OTUD3: variants seen among roughly 807,000 people sequenced by gnomAD.
OTUD3 encodes OTU domain-containing protein 3.
Under a neutral mutation model 46.2 loss-of-function variants are expected in OTUD3, and 24 were observed. The ratio of observed to expected loss-of-function variants is 0.52; its 90% CI spans 0.38 to 0.73. The LOEUF (loss-of-function observed/expected upper bound fraction) is 0.73, where lower values mean the gene tolerates loss of function less well. Among genes scored for constraint, OTUD3 ranks in the 30% least tolerant of loss-of-function variants. OTUD3 has a pLI of 0.00. For synonymous variants in OTUD3, 189 were observed against 195.4 expected (o/e 0.97, Z 0.27); for missense variants, 455 against 523.3 (o/e 0.87, Z 1.27).
chr1:19,890,504 TAGA>T lies in OTUD3; in HGVS notation c.345_347del (p.Glu115del), dbSNP rs2045431767. On this transcript the variant is annotated inframe_deletion, in exon 2 of 8. Coordinates refer to ENST00000375120, the MANE Select transcript of OTUD3 (RefSeq NM_015207.2). ...CAGCGGGAAGATTTTGAACCCTTTG[TAGA>T]AGATGACATTCCTTTTGAGAAGCAT... 3 of 1,613,948 alleles carry T rather than the reference TAGA, an allele frequency of 1.9e-6. No individual in the cohort carries two copies. The highest frequency in any genetic ancestry group is 2.5e-6 in the Non-Finnish European group (3 of 1,179,822).
chr1:19,905,823 G>C (rs937721520), intron 6 of OTUD3, among the ~76,000 whole-genome samples: 1 of 152,230 alleles, frequency 6.6e-6, no homozygotes, highest in Non-Finnish European at 1.5e-5. Context: ...CTGATTGCCA[G>C]ATGTTACGTG....
chr1:19,903,519 A>G (rs750232299), intron 4 of OTUD3, among the ~76,000 whole-genome samples: 4 of 152,144 alleles, frequency 2.6e-5, no homozygotes, highest in Non-Finnish European at 5.9e-5. Flanking sequence ...GCTGGAGTCC[A>G]CTATATGTTT....
At chr1:19,902,667 A>G (rs1257668215) in intron 4 of OTUD3, among the ~76,000 whole-genome samples, 1 of 152,022 alleles carries the variant, frequency 6.6e-6, no homozygotes, top group Admixed American at 6.6e-5. Context: ...GAGTTTTTTA[A>G]TATATTCTAG....
intron 1 of OTUD3, among the ~76,000 whole-genome samples, chr1:19,884,262 C>A (rs2045323916): frequency 6.6e-6 from 1 of 152,116 alleles, no homozygotes; most frequent in African/African-American, 2.4e-5. Flanking sequence ...GCCCAGGAAA[C>A]TGAAGTACTC....
rs2045664475 is a variant in OTUD3 at position 19,906,596 on chromosome 1, A to G, written c.1000A>G (p.Asn334Asp). ...QASPSEENKA[N>D]KNQLAKVTNK... ...CAGCCCTAGTGAAGAAAACAAAGCA[A>G]ATAAAAACCAGCTCGCAAAGGTATG... is the stretch of plus-strand genomic sequence containing the variant. Residue 334 changes from asparagine (N) to aspartate (D), a missense_variant, in exon 7 of 8, where the codon AAT becomes GAT. Physicochemically the swap from Asn to Asp is conservative, Grantham distance 23. Coordinates refer to ENST00000375120, the MANE Select transcript of OTUD3 (RefSeq NM_015207.2). The G allele has an allele frequency of 6.2e-7, 1 of 1,611,546 alleles. No homozygotes were observed. Among genetic ancestry groups the G allele is most frequent in the South Asian group, 1.1e-5 (1 of 90,750 alleles).
intron 4 of OTUD3, among the ~76,000 whole-genome samples, chr1:19,898,842 G>A (rs746119756): frequency 2.0e-4 from 31 of 151,756 alleles, no homozygotes; most frequent in East Asian, 3.8e-4. Context: ...ATAAGGTCTC[G>A]CTCTGTTGCT....
intron 3 of OTUD3, among the ~76,000 whole-genome samples, chr1:19,897,019 A>G (rs1488658640): frequency 6.6e-6 from 1 of 152,254 alleles, no homozygotes; most frequent in East Asian, 1.9e-4. Flanking sequence ...CGTTTTAACG[A>G]AAGGGGTGGA....
chr1:19,897,635 A>G lies in OTUD3; in HGVS notation c.579A>G (p.Ser193=). 6.2e-7 allele frequency: 1 copy of G among 1,614,016 alleles called. No individual in the cohort carries two copies. Among genetic ancestry groups the G allele is most frequent in the Non-Finnish European group, 8.5e-7 (1 of 1,179,956 alleles). Residue 193 remains serine (S), a synonymous_variant, in exon 4 of 8, where the codon TCA becomes TCG. Transcript: ENST00000375120. ...YDSVRRINDN[S]EAPAHLQTDF... ...GTGTTCGGAGGATCAATGACAACTCAGAGGCACCTGCACATCTCCAGACGG... is the reference window on the plus strand; with the variant it reads ...GTGTTCGGAGGATCAATGACAACTCGGAGGCACCTGCACATCTCCAGACGG...
Position 19,911,310 on chromosome 1 carries a change from C to G in OTUD3, c.*3564C>G, listed in dbSNP as rs772643783. The G allele has an allele frequency of 3.9e-5, 6 of 152,188 alleles. No homozygotes were observed. Among genetic ancestry groups the G allele is most frequent in the Non-Finnish European group, 5.9e-5 (4 of 68,020 alleles). The allele number at this position is 152,188 out of a possible 1,614,324, so 9.4% of individuals were successfully genotyped here. On this transcript the variant is annotated 3_prime_UTR_variant, in exon 8 of 8. Transcript: ENST00000375120. ...TTTCAGAACAAGTGTTGCTAAAACTCCGGGGCCTTTGACAGTTGTTCTGAG... is the reference window on the plus strand; with the variant it reads ...TTTCAGAACAAGTGTTGCTAAAACTGCGGGGCCTTTGACAGTTGTTCTGAG...
chr1:19,891,830 G>A (rs2045451037), intron 2 of OTUD3, among the ~76,000 whole-genome samples: 1 of 152,184 alleles, frequency 6.6e-6, no homozygotes, highest in Non-Finnish European at 1.5e-5. Flanking sequence ...ACCAATCACT[G>A]AGTTCAGATG....
intron 1 of OTUD3, among the ~76,000 whole-genome samples, chr1:19,890,121 G>T (rs1165814766): frequency 6.6e-6 from 1 of 152,166 alleles, no homozygotes; most frequent in Non-Finnish European, 1.5e-5. Context: ...CTGAGGCCCA[G>T]GGAAGTTTGA....
At chr1:19,905,696 G>C (rs532489758) in intron 6 of OTUD3, among the ~76,000 whole-genome samples, 1 of 152,058 alleles carries the variant, frequency 6.6e-6, no homozygotes, top group Non-Finnish European at 1.5e-5. Flanking sequence ...AGCTAAGATC[G>C]CACCATTGCA....
At chr1:19,898,215 T>C (rs1272914927) in intron 4 of OTUD3, among the ~76,000 whole-genome samples, 2 of 151,964 alleles carry the variant, frequency 1.3e-5, no homozygotes, top group South Asian at 2.1e-4. Context: ...CCCAAACTGC[T>C]GGGATTACAG....
At chr1:19,899,268 G>A (rs987755353) in intron 4 of OTUD3, among the ~76,000 whole-genome samples, 2 of 152,082 alleles carry the variant, frequency 1.3e-5, no homozygotes, top group Non-Finnish European at 2.9e-5. Flanking sequence ...ATCTCCTGTG[G>A]TTTACATACC....
intron 4 of OTUD3, among the ~76,000 whole-genome samples, chr1:19,900,638 C>T (rs1481587876): frequency 6.6e-6 from 1 of 152,104 alleles, no homozygotes; most frequent in East Asian, 1.9e-4. Flanking sequence ...ATCTTTTCTC[C>T]ACTGATTTAA....
chr1:19,901,843 A>G (rs1026883647), intron 4 of OTUD3, among the ~76,000 whole-genome samples: 12 of 152,200 alleles, frequency 7.9e-5, no homozygotes, highest in Admixed American at 7.9e-4. Flanking sequence ...ATGTATCAGT[A>G]CTTCATTCTT....
rs2045699156 is a variant in OTUD3, at chr1:19,908,794, A to G, written c.*1048A>G. ...TATTGTGGAAATTAAATCTTATAAAATGCTACATTTATTTCTTTTTATTTA... is the reference window on the plus strand; with the variant it reads ...TATTGTGGAAATTAAATCTTATAAAGTGCTACATTTATTTCTTTTTATTTA... On this transcript the variant is annotated 3_prime_UTR_variant, in exon 8 of 8. Transcript: ENST00000375120. 1 of 152,350 alleles carries G rather than the reference A, an allele frequency of 6.6e-6. No homozygotes were observed. Among genetic ancestry groups the G allele is most frequent in the African/African-American group, 2.4e-5 (1 of 41,462 alleles). The allele number at this position is 152,350 out of a possible 1,614,324, so 9.4% of individuals were successfully genotyped here.
chr1:19,882,416 T>C lies in OTUD3; in HGVS notation c.-98T>C. The C allele has an allele frequency of 1.5e-6, 2 of 1,299,016 alleles. No individual in the cohort carries two copies. Among genetic ancestry groups the C allele is most frequent in the Non-Finnish European group, 1.9e-6 (2 of 1,027,040 alleles). 80.5% of individuals were successfully genotyped at this position (1,299,016 alleles called of 1,614,324 possible). ...GGTTGCTGCGTAGTCGTCGCCGGGC[T>C]CCGTTGCCCGCGCTGTTTTACCTTC... is the stretch of plus-strand genomic sequence containing the variant. On this transcript the variant is annotated 5_prime_UTR_variant, in exon 1 of 8. Transcript: ENST00000375120.
At chr1:19,894,569 C>G in intron 3 of OTUD3, 89 bp downstream of exon 3, 2 of 768,728 alleles carry the variant, frequency 2.6e-6, no homozygotes, top group Non-Finnish European at 4.2e-6. Context: ...GACCTGTGAA[C>G]ATTGAATTAT....
Sources: allele counts gnomAD v4.1 joint callset (sites outside exome capture counted in the v4.1 genomes callset), GRCh38; gene constraint gnomAD v4.1.1; transcripts MANE v1.5; gene names NCBI Gene and HGNC (gene_info 2026-07-23, HGNC 2026-07-21).